NUTF2: variants seen among roughly 807,000 people sequenced by gnomAD.
NUTF2 encodes the protein nuclear transport factor 2.
A neutral mutation model predicts 18.5 loss-of-function variants in NUTF2; 3 were observed. The ratio of observed to expected loss-of-function variants is 0.16; its 90% CI spans 0.07 to 0.42. NUTF2 has a LOEUF of 0.42. NUTF2 is among the 10% of genes least tolerant of loss of function. The pLI is 0.99. For synonymous variants in NUTF2, 51 were observed against 57.9 expected, an observed-to-expected ratio of 0.88 and a Z score of 0.54; for missense variants, 44 against 160.7, an observed-to-expected ratio of 0.27 and a Z score of 3.93.
intron 1 of NUTF2, among the ~76,000 whole-genome samples, chr16:67,862,366 A>T (rs1447108329): frequency 6.6e-6 from 1 of 152,108 alleles, no homozygotes; most frequent in Admixed American, 6.6e-5. Flanking sequence ...TCAATCCCAC[A>T]TAGTTTTGAA....
chr16:67,853,169 G>T (rs1433255154), intron 1 of NUTF2, among the ~76,000 whole-genome samples: 1 of 152,120 alleles, frequency 6.6e-6, no homozygotes, highest in Admixed American at 6.5e-5. Context: ...AGCTACTTGG[G>T]AGGTGAGGCA....
chr16:67,863,002 G>A (rs1312992685), intron 1 of NUTF2, among the ~76,000 whole-genome samples: 1 of 152,198 alleles, frequency 6.6e-6, no homozygotes, highest in African/African-American at 2.4e-5. Flanking sequence ...CACCTTGGAA[G>A]CTGCAGCAGG....
At chr16:67,849,404 C>T (rs1598156245) in intron 1 of NUTF2, among the ~76,000 whole-genome samples, 1 of 152,214 alleles carries the variant, frequency 6.6e-6, no homozygotes, top group East Asian at 1.9e-4. Context: ...TGCTGTGGTG[C>T]GATGTCGGCT....
At chr16:67,870,469 C>G (rs2058003632) in intron 4 of NUTF2, 2 of 282,916 alleles carry the variant, frequency 7.1e-6, no homozygotes, top group African/African-American at 4.5e-5. Context: ...GGATTCGTTT[C>G]AAAATTGTGA....
chr16:67,857,543 T>C (rs2057905927), intron 1 of NUTF2, among the ~76,000 whole-genome samples: 1 of 152,274 alleles, frequency 6.6e-6, no homozygotes, highest in South Asian at 2.1e-4. Context: ...ACCTACCTTC[T>C]TCCTAGCTGT....
At position 67,858,307 on chromosome 16, in the gene NUTF2, A is replaced by G. The variant is rs142584796; in HGVS notation, c.-29-6795A>G. Among the ~76,000 whole-genome samples the G allele has an allele frequency of 9.1e-4, 138 of 152,330 alleles. 6 individuals carry two copies. Among genetic ancestry groups the G allele is most frequent in the Admixed American group, 8.2e-3 (125 of 15,294 alleles). On this transcript the variant is annotated intron_variant, in intron 1 of 4. Transcript: ENST00000219169. The stretch of plus-strand genomic sequence containing the variant: ...CTCAGCCTCCCGAGTAGCTGGGACT[A>G]TAGGCGCATGCCACCATTTCTGGCT...
In NUTF2 at chr16:67,849,056, C is replaced by A. The variant is rs181206235; in HGVS notation, c.-30+2071C>A. On this transcript the variant is annotated intron_variant, in intron 1 of 4. Coordinates refer to ENST00000219169, the MANE Select transcript of NUTF2 (RefSeq NM_005796.3). ...GCTGCTCAGATTTTACCAAGCCCTG[C>A]CTTCTCTCTGGATGTAACTTTCCTA... 3.7e-4 allele frequency among the ~76,000 whole-genome samples: 56 copies of A among 152,316 alleles called. 2 individuals carry two copies. Among genetic ancestry groups the A allele is most frequent in the Non-Finnish European group, 1.3e-4 (9 of 68,038 alleles).
intron 1 of NUTF2, among the ~76,000 whole-genome samples, chr16:67,850,044 A>G (rs1343186943): frequency 1.3e-5 from 2 of 151,694 alleles, no homozygotes; most frequent in African/African-American, 4.8e-5. Flanking sequence ...CTCCCACCTC[A>G]GCCTCCCAAA....
intron 4 of NUTF2, chr16:67,870,502 G>A (rs2058003968): frequency 5.5e-6 from 2 of 363,680 alleles, no homozygotes; most frequent in Non-Finnish European, 5.0e-6. Context: ...GGAGATATGT[G>A]CTTGGAGGCA....
intron 1 of NUTF2, among the ~76,000 whole-genome samples, chr16:67,856,679 T>C (rs1338363121): frequency 6.6e-6 from 1 of 151,872 alleles, no homozygotes; most frequent in Non-Finnish European, 1.5e-5. Flanking sequence ...TGGCCAATTT[T>C]TTGTATTTTT....
chr16:67,849,407 T>TG (rs2057835082), intron 1 of NUTF2, among the ~76,000 whole-genome samples: 2 of 152,138 alleles, frequency 1.3e-5, no homozygotes, highest in Non-Finnish European at 2.9e-5. Flanking sequence ...TGTGGTGCGA[T>TG]GTCGGCTCAC....
At chr16:67,857,348 G>A (rs1271850984) in intron 1 of NUTF2, among the ~76,000 whole-genome samples, 3 of 152,166 alleles carry the variant, frequency 2.0e-5, no homozygotes, top group Non-Finnish European at 4.4e-5. Context: ...CTCCCTGCAG[G>A]CAGAAGAGGA....
intron 1 of NUTF2, among the ~76,000 whole-genome samples, chr16:67,850,020 G>C (rs1417106454): frequency 6.6e-6 from 1 of 151,914 alleles, no homozygotes; most frequent in African/African-American, 2.4e-5. Flanking sequence ...TCAAACTCCT[G>C]AGTTCAAGCG....
intron 1 of NUTF2, among the ~76,000 whole-genome samples, chr16:67,854,730 TG>T (rs2057883124): frequency 6.6e-6 from 1 of 152,178 alleles, no homozygotes; most frequent in South Asian, 2.1e-4. Flanking sequence ...GTGGATCATC[TG>T]AGGTCAGGAG....
At chr16:67,866,330 A>G (rs1389611721) in intron 2 of NUTF2, among the ~76,000 whole-genome samples, 1 of 147,010 alleles carries the variant, frequency 6.8e-6, no homozygotes, top group Non-Finnish European at 1.5e-5. Flanking sequence ...TTTTTGAGAC[A>G]GAGTCTCACT....
At chr16:67,856,110 T>C in intron 1 of NUTF2, 1 of 487,272 alleles carries the variant, frequency 2.1e-6, no homozygotes, top group Non-Finnish European at 3.9e-6. Context: ...ATGGACATGT[T>C]CTTGTAACAC....
At chr16:67,852,750 G>T (rs1368709748) in intron 1 of NUTF2, among the ~76,000 whole-genome samples, 1 of 152,064 alleles carries the variant, frequency 6.6e-6, no homozygotes, top group Non-Finnish European at 1.5e-5. Flanking sequence ...CGTGATCTCG[G>T]CTCACTGCAA....
intron 1 of NUTF2, among the ~76,000 whole-genome samples, chr16:67,853,586 G>A (rs2057875501): frequency 6.6e-6 from 1 of 151,952 alleles, no homozygotes; most frequent in Non-Finnish European, 1.5e-5. Flanking sequence ...TCGAACTCCT[G>A]ACTTTGTGAT....
chr16:67,858,984 A>G (rs2057916284), intron 1 of NUTF2, among the ~76,000 whole-genome samples: 1 of 149,146 alleles, frequency 6.7e-6, no homozygotes. Context: ...CTACAGGCAT[A>G]TTCCACTATG....
Sources: gnomAD v4.1 joint callset for allele counts (sites outside exome capture counted in the v4.1 genomes callset) on GRCh38, gnomAD v4.1.1 for gene constraint, MANE v1.5 for transcripts, NCBI Gene and HGNC (gene_info 2026-07-23, HGNC 2026-07-21) for gene names.